Variants in NCBP3 observed in about 807,000 individuals in gnomAD.
The protein encoded by NCBP3 is nuclear cap binding subunit 3, also known as nuclear cap-binding protein subunit 3.
A neutral mutation model predicts 75.7 loss-of-function variants in NCBP3; 20 were observed. The ratio of observed to expected loss-of-function variants is 0.26; its 90% confidence interval spans 0.19 to 0.38. The LOEUF (loss-of-function observed/expected upper bound fraction) is 0.38. NCBP3 is among the 10% of genes least tolerant of loss of function. NCBP3 has a pLI of 1.00. For missense variants in NCBP3, 678 were observed against 796.9 expected (o/e 0.85, Z 1.80); for synonymous variants, 293 against 290.5 (o/e 1.01, Z -0.09).
intron 3 of NCBP3, among the ~76,000 whole-genome samples, chr17:3,837,425 C>T (rs1238179033): frequency 2.1e-5 from 3 of 141,832 alleles, no homozygotes; most frequent in East Asian, 2.2e-4. Flanking sequence ...TGAACCCGGG[C>T]GGCAGAGGTT....
At chr17:3,843,398 A>C (rs934696297) in intron 1 of NCBP3, among the ~76,000 whole-genome samples, 3 of 151,786 alleles carry the variant, frequency 2.0e-5, no homozygotes, top group African/African-American at 7.3e-5. Context: ...ATGCCCAGCT[A>C]ATTTTTTTTT....
chr17:3,832,487 C>T lies in NCBP3; in HGVS notation c.356-3119G>A, dbSNP rs1325497921. 4.7e-4 allele frequency among the ~76,000 whole-genome samples: 46 copies of T among 97,392 alleles called. 7 individuals are homozygous for T. Among genetic ancestry groups the T allele is most frequent in the Middle Eastern group, 0.012 (2 of 164 alleles). 63.9% of individuals were successfully genotyped at this position (97,392 alleles called of 152,430 possible). A position where few individuals can be genotyped will look rare whatever the true frequency, so the allele number is the denominator to read the frequency against. Reference sequence around the variant, plus strand: ...CTACTAAAAATACAAAACAATTAGCCAGGTGTGGTGGCAGGCACCTGTAGT... The same window carrying T: ...CTACTAAAAATACAAAACAATTAGCTAGGTGTGGTGGCAGGCACCTGTAGT... On this transcript the variant is annotated intron_variant, in intron 3 of 12. Coordinates refer to ENST00000389005, the MANE Select transcript of NCBP3 (RefSeq NM_001114118.3).
rs945422759 is a variant in NCBP3, at chr17:3,812,466, C to A, written c.*578G>T. ...GCAATCCCCGAGGGAAGAACGGAAG[C>A]ACAGTCAATGCTGCAGCTCTTATCT... On this transcript the variant is annotated 3_prime_UTR_variant, in exon 13 of 13. Coordinates refer to ENST00000389005, the MANE Select transcript of NCBP3 (RefSeq NM_001114118.3). 1.3e-5 allele frequency: 13 copies of A among 973,082 alleles called. No individual in the cohort carries two copies. Among genetic ancestry groups the A allele is most frequent in the Non-Finnish European group, 1.6e-5 (13 of 818,090 alleles). 60.3% of individuals were successfully genotyped at this position (973,082 alleles called of 1,614,324 possible). A position where few individuals can be genotyped will look rare whatever the true frequency, so the allele number is the denominator to read the frequency against.
chr17:3,830,722 G>A (rs1035864500), intron 3 of NCBP3, among the ~76,000 whole-genome samples: 1 of 151,958 alleles, frequency 6.6e-6, no homozygotes, highest in African/African-American at 2.4e-5. Flanking sequence ...CCAGTAGCTG[G>A]GACTATAGGA....
At chr17:3,826,933 C>A (rs1431840246) in intron 4 of NCBP3, among the ~76,000 whole-genome samples, 3 of 129,622 alleles carry the variant, frequency 2.3e-5, no homozygotes, top group African/African-American at 7.9e-5. Flanking sequence ...TGGCGTGAAC[C>A]CGGGAGGCAG....
In NCBP3 at chr17:3,818,637, C is replaced by CATGG; in HGVS notation, c.1001-66_1001-65insCCAT. 1 of 1,517,020 alleles carries CATGG rather than the reference C, an allele frequency of 6.6e-7. No individual in the cohort carries two copies. Among genetic ancestry groups the CATGG allele is most frequent in the Middle Eastern group, 2.4e-4 (1 of 4,196 alleles). 94.0% of individuals were successfully genotyped at this position (1,517,020 alleles called of 1,614,324 possible). A position where few individuals can be genotyped will look rare whatever the true frequency, so the allele number is the denominator to read the frequency against. On this transcript the variant is annotated intron_variant, in intron 9 of 12. Coordinates refer to ENST00000389005, the MANE Select transcript of NCBP3 (RefSeq NM_001114118.3). The surrounding 1 kb of genome is among the most constrained non-coding windows in gnomAD (Gnocchi z 4.7). ...AAATTAACAAGTATGATTTTCTACT[C>CATGG]TACATCGGTGACCTTTTTAAAAGGT...
chr17:3,843,842 C>A (rs2054109867), intron 1 of NCBP3, among the ~76,000 whole-genome samples: 1 of 152,186 alleles, frequency 6.6e-6, no homozygotes, highest in Non-Finnish European at 1.5e-5. Context: ...CCACACCTGG[C>A]AAGTCTGGTT....
At chr17:3,823,234 C>A (rs2053704286) in intron 7 of NCBP3, among the ~76,000 whole-genome samples, 1 of 152,052 alleles carries the variant, frequency 6.6e-6, no homozygotes, top group South Asian at 2.1e-4. Context: ...TTGCTTGAAC[C>A]CAGGAGGCAG....
Position 3,812,949 on chromosome 17 carries a change from A to G in NCBP3, c.*95T>C. On this transcript the variant is annotated 3_prime_UTR_variant, in exon 13 of 13. Coordinates refer to ENST00000389005, the MANE Select transcript of NCBP3 (RefSeq NM_001114118.3). The stretch of plus-strand genomic sequence containing the variant: ...GGGTGACTGTGTGAGCAGGAGCGAG[A>G]GGGCGCCAGCTCCTGCGGGGGAGGT... The G allele has an allele frequency of 1.3e-6, 2 of 1,559,590 alleles. No individual in the cohort carries two copies. Among genetic ancestry groups the G allele is most frequent in the South Asian group, 2.4e-5 (2 of 82,194 alleles).
At chr17:3,832,381 C>G (rs1315607324) in intron 3 of NCBP3, among the ~76,000 whole-genome samples, 1 of 120,122 alleles carries the variant, frequency 8.3e-6, no homozygotes. Context: ...CGCCTGTAAT[C>G]CCAGCACTTT....
chr17:3,830,384 T>C (rs1263573215), intron 3 of NCBP3, among the ~76,000 whole-genome samples: 1 of 152,294 alleles, frequency 6.6e-6, no homozygotes, highest in African/African-American at 2.4e-5. Context: ...CTAAGATGTA[T>C]CACAGAGTGA....
Position 3,810,408 on chromosome 17 carries a change from TC to T in NCBP3, c.*2635del, listed in dbSNP as rs1204794282. ...AGGAGAGTGGGAAACAAATGAGGTATCTGCAATTATCATCAAGCAGCAAACA... is the reference window on the plus strand; with the variant it reads ...AGGAGAGTGGGAAACAAATGAGGTATTGCAATTATCATCAAGCAGCAAACA... On this transcript the variant is annotated 3_prime_UTR_variant, in exon 13 of 13. Coordinates refer to ENST00000389005, the MANE Select transcript of NCBP3 (RefSeq NM_001114118.3). 1.3e-5 allele frequency: 2 copies of T among 152,162 alleles called. No homozygotes were observed. Among genetic ancestry groups the T allele is most frequent in the Admixed American group, 1.3e-4 (2 of 15,278 alleles). 9.4% of individuals were successfully genotyped at this position (152,162 alleles called of 1,614,324 possible).
In NCBP3 at chr17:3,813,024, T is replaced by A; in HGVS notation, c.*20A>T. On this transcript the variant is annotated 3_prime_UTR_variant, in exon 13 of 13. Coordinates refer to ENST00000389005, the MANE Select transcript of NCBP3 (RefSeq NM_001114118.3). ...CAAGAATGTCAGGCTTTAGGGCAGC[T>A]GCCATAGGCCCCAGGGGCATCAGGA... 1.2e-6 allele frequency: 2 copies of A among 1,613,814 alleles called. No homozygotes were observed. Among genetic ancestry groups the A allele is most frequent in the Non-Finnish European group, 8.5e-7 (1 of 1,179,844 alleles).
At chr17:3,843,241 T>TA in intron 1 of NCBP3, 90 bp from the exon 2 acceptor site, 4 of 971,934 alleles carry the variant, frequency 4.1e-6, no homozygotes, top group Non-Finnish European at 6.0e-6. Flanking sequence ...GGTTCTTTTT[T>TA]CCTTTTTTTT....
chr17:3,822,253 G>A (rs974948401), intron 7 of NCBP3: 12 of 476,450 alleles, frequency 2.5e-5, no homozygotes, highest in East Asian at 6.7e-5. Context: ...ATACAGAGAC[G>A]AATGAGGTTA....
intron 11 of NCBP3, 99 bp from the exon 12 acceptor site, chr17:3,814,582 C>A (rs1161370798): frequency 3.2e-6 from 4 of 1,252,144 alleles, no homozygotes; most frequent in Non-Finnish European, 4.5e-6. Flanking sequence ...AACCCCTGCC[C>A]CGAGGACACA....
chr17:3,841,715 C>T (rs2054066347), intron 2 of NCBP3, among the ~76,000 whole-genome samples: 1 of 148,748 alleles, frequency 6.7e-6, no homozygotes, highest in African/African-American at 2.5e-5. Flanking sequence ...CACCTGTAGT[C>T]CCAGCTACTC....
At position 3,818,437 on chromosome 17, in the gene NCBP3, G is replaced by C. The variant is rs769105284; in HGVS notation, c.1136C>G (p.Ala379Gly). 6.2e-7 allele frequency: 1 copy of C among 1,614,076 alleles called. No individual in the cohort carries two copies. Among genetic ancestry groups the C allele is most frequent in the South Asian group, 1.1e-5 (1 of 91,076 alleles). The change falls in exon 10 of 13, where the codon GCT (alanine) becomes GGT (glycine). Residue 379 changes from alanine (A) to glycine (G), a missense_variant. Ala to Gly is a moderately conservative substitution (Grantham distance 60). Coordinates refer to ENST00000389005, the MANE Select transcript of NCBP3 (RefSeq NM_001114118.3). This position sits in a 1 kb window ranked among gnomAD's most constrained non-coding sequence, Gnocchi z 4.7. ...GCTCCGCTCCCGGGGCTGCTTGAGA[G>C]CCGGGAGCTCCTCGTGGTACTCTAC... ...VVVEYHEELPALKQPRERSAS... is the reference protein window; with the variant it reads ...VVVEYHEELPGLKQPRERSAS...
rs555060314 is a variant in NCBP3, at chr17:3,832,409, A to C, written c.356-3041T>G. On this transcript the variant is annotated intron_variant, in intron 3 of 12. Transcript: ENST00000389005. Reference sequence around the variant, plus strand: ...AGCACTTTGGGAGGCCGGGGCGGGCAGATCACAAGGTCAGATCGAGACCAT... The same window carrying C: ...AGCACTTTGGGAGGCCGGGGCGGGCCGATCACAAGGTCAGATCGAGACCAT... 2.5e-5 allele frequency among the ~76,000 whole-genome samples: 3 copies of C among 118,444 alleles called. 1 individual carries two copies. Among genetic ancestry groups the C allele is most frequent in the Non-Finnish European group, 6.1e-5 (3 of 49,272 alleles). The allele number at this position is 118,444 out of a possible 152,430, so 77.7% of individuals were successfully genotyped here. A position where few individuals can be genotyped will look rare whatever the true frequency, so the allele number is the denominator to read the frequency against.
Sources: gnomAD v4.1 joint callset for allele counts (sites outside exome capture counted in the v4.1 genomes callset) on GRCh38, gnomAD v4.1.1 for gene constraint, Gnocchi (gnomAD v3.1) non-coding constraint, MANE v1.5 for transcripts, NCBI Gene and HGNC (gene_info 2026-07-23, HGNC 2026-07-21) for gene names.